Variants in SLC5A4 observed in about 807,000 individuals in gnomAD.
The protein encoded by SLC5A4 is solute carrier family 5 member 4.
In SLC5A4, 55 loss-of-function variants were observed where a neutral mutation model predicts 70.3. The ratio of observed to expected loss-of-function variants is 0.78; its 90% CI spans 0.63 to 0.98. SLC5A4 has a LOEUF of 0.98. SLC5A4 is among the 50% of genes least tolerant of loss of function. The pLI, the probability that SLC5A4 is intolerant of heterozygous loss-of-function variation, is 0.00. For synonymous variants in SLC5A4, 268 were observed against 305.7 expected (o/e 0.88, Z 1.29); for missense variants, 735 against 839.2 (o/e 0.88, Z 1.53).
Position 32,237,297 on chromosome 22 carries a change from T to C in SLC5A4, c.611A>G (p.Asp204Gly), listed in dbSNP as rs1351146741. Residue 204 changes from aspartate to glycine, a missense_variant, in exon 7 of 15, where the codon GAC (aspartate) becomes GGC (glycine). Transcript: ENST00000266086. Reference sequence around the variant, plus strand: ...CAGCATGATGATGGTCTGGAGGGTGTCTGTGTAAATCACCGAGGCCAAGCC... The same window carrying C: ...CAGCATGATGATGGTCTGGAGGGTGCCTGTGTAAATCACCGAGGCCAAGCC... ...TGGLASVIYT[D>G]TLQTIIMLIG... The C allele has an allele frequency of 1.1e-5, 17 of 1,605,848 alleles. No individual in the cohort carries two copies. The highest frequency in any genetic ancestry group is 1.4e-5 in the Non-Finnish European group (17 of 1,176,494).
the SLC5A4 span, among the ~76,000 whole-genome samples, chr22:32,352,373 A>C: frequency 2.6e-5 from 4 of 151,836 alleles, no homozygotes. Flanking sequence ...CATATGTAAC[A>C]AACATGCACG....
At chr22:32,269,096 T>C in the SLC5A4 span, among the ~76,000 whole-genome samples, 4 of 152,304 alleles carry the variant, frequency 2.6e-5, no homozygotes, top group Admixed American at 2.6e-4. The surrounding 1 kb of genome is among the most constrained non-coding windows in gnomAD (Gnocchi z 4.1). Context: ...TTTTGCCATG[T>C]TGGCCATGGC....
the SLC5A4 span, among the ~76,000 whole-genome samples, chr22:32,319,432 CTG>C: frequency 6.6e-6 from 1 of 152,096 alleles, no homozygotes; most frequent in Non-Finnish European, 1.5e-5. Context: ...TCAAATCAAA[CTG>C]GAACTCTCAC....
chr22:32,295,143 A>G, the SLC5A4 span, among the ~76,000 whole-genome samples: 3 of 108,632 alleles, frequency 2.8e-5, no homozygotes, highest in East Asian at 7.2e-4. Flanking sequence ...ATGTATCTTT[A>G]TAGCAGCATG....
intron 8 of SLC5A4, among the ~76,000 whole-genome samples, chr22:32,233,557 A>G (rs964503171): frequency 6.6e-6 from 1 of 152,212 alleles, no homozygotes; most frequent in African/African-American, 2.4e-5. Flanking sequence ...CGAAGGGGTC[A>G]TTGGATAAGG....
At chr22:32,306,482 A>T in the SLC5A4 span, among the ~76,000 whole-genome samples, 2 of 151,004 alleles carry the variant, frequency 1.3e-5, no homozygotes, top group African/African-American at 2.4e-5. Context: ...AAAAAACAAA[A>T]ACTACTGTAT....
chr22:32,295,749 G>A, the SLC5A4 span, among the ~76,000 whole-genome samples: 4 of 87,102 alleles, frequency 4.6e-5, 2 homozygotes, highest in Non-Finnish European at 9.6e-5. Flanking sequence ...TGTCCTGAAT[G>A]GTAATGCCTA....
the SLC5A4 span, among the ~76,000 whole-genome samples, chr22:32,267,047 A>T: frequency 6.6e-6 from 1 of 152,254 alleles, no homozygotes; most frequent in South Asian, 2.1e-4. Flanking sequence ...AGCTCCATTC[A>T]TAACAATTAA....
chr22:32,239,941 G>A (rs1926414266), intron 5 of SLC5A4, among the ~76,000 whole-genome samples: 1 of 146,560 alleles, frequency 6.8e-6, no homozygotes, highest in African/African-American at 2.5e-5. Flanking sequence ...GGAGAATGGT[G>A]TGAACCTGGG....
the SLC5A4 span, among the ~76,000 whole-genome samples, chr22:32,321,286 C>CTAA: frequency 6.6e-6 from 1 of 150,842 alleles, no homozygotes; most frequent in Non-Finnish European, 1.5e-5. Context: ...AACTCCGTCT[C>CTAA]TAAATAAATA....
chr22:32,331,855 G>A, the SLC5A4 span, among the ~76,000 whole-genome samples: 1 of 152,032 alleles, frequency 6.6e-6, no homozygotes, highest in Admixed American at 6.5e-5. Flanking sequence ...GCCACGGGTG[G>A]GGGCTGCTCC....
chr22:32,313,137 A>G, the SLC5A4 span, among the ~76,000 whole-genome samples: 1 of 152,252 alleles, frequency 6.6e-6, no homozygotes, highest in African/African-American at 2.4e-5. Context: ...AATTTAATAG[A>G]ATCAACAGGT....
chr22:32,313,343 A>G, the SLC5A4 span, among the ~76,000 whole-genome samples: 1 of 152,210 alleles, frequency 6.6e-6, no homozygotes, highest in Non-Finnish European at 1.5e-5. Flanking sequence ...TTTACCCTCA[A>G]AAGTATTCTG....
At chr22:32,255,575 C>T (rs1269520831), upstream of SLC5A4, among the ~76,000 whole-genome samples, 2 of 151,910 alleles carry the variant, frequency 1.3e-5, no homozygotes, top group Non-Finnish European at 2.9e-5. Flanking sequence ...GAGCATGGGG[C>T]GTTCTCTGAG....
chr22:32,337,095 GCCT>G, the SLC5A4 span, among the ~76,000 whole-genome samples: 22 of 152,178 alleles, frequency 1.4e-4, no homozygotes, highest in Admixed American at 3.3e-4. Context: ...CAGTCTTTCG[GCCT>G]CCTCATCTGC....
chr22:32,275,963 G>A, the SLC5A4 span, among the ~76,000 whole-genome samples: 1 of 152,114 alleles, frequency 6.6e-6, no homozygotes, highest in Non-Finnish European at 1.5e-5. Context: ...TTCTCTGATG[G>A]CCAGTGATAA....
At chr22:32,331,154 G>T in the SLC5A4 span, among the ~76,000 whole-genome samples, 7 of 119,544 alleles carry the variant, frequency 5.9e-5, no homozygotes, top group Non-Finnish European at 1.2e-4. Flanking sequence ...TGGAGGCTCT[G>T]GTGTGTGTGT....
chr22:32,333,479 G>C, the SLC5A4 span, among the ~76,000 whole-genome samples: 3 of 152,120 alleles, frequency 2.0e-5, no homozygotes, highest in African/African-American at 4.8e-5. Flanking sequence ...TCCTGGCCTG[G>C]GGCCCAGACT....
At chr22:32,305,958 TTGAG>T in the SLC5A4 span, among the ~76,000 whole-genome samples, 1 of 151,888 alleles carries the variant, frequency 6.6e-6, no homozygotes, top group African/African-American at 2.4e-5. Flanking sequence ...GCCATTGGCA[TTGAG>T]TGTGCAGGAT....
Sources: allele counts gnomAD v4.1 joint callset (sites outside exome capture counted in the v4.1 genomes callset), GRCh38; gene constraint gnomAD v4.1.1; non-coding constraint Gnocchi (gnomAD v3.1); transcripts MANE v1.5; gene names NCBI Gene and HGNC (gene_info 2026-07-23, HGNC 2026-07-21).